Variants in TLE1 observed in about 807,000 individuals in gnomAD.
TLE1 encodes the protein transducin-like enhancer protein 1.
Under a neutral mutation model 89.8 loss-of-function variants are expected in TLE1, and 21 were observed. The observed-to-expected ratio is 0.23, with a 90% CI of 0.17 to 0.34. The LOEUF (loss-of-function observed/expected upper bound fraction) is 0.34. Ranked by LOEUF, TLE1 falls within the 10% of genes least tolerant of loss-of-function variation. The probability of loss-of-function intolerance (pLI) is 1.00; values close to 1 mark genes in which losing one functional copy is unlikely to be tolerated. For missense variants in TLE1, 795 were observed against 1,031.2 expected (o/e 0.77, Z 3.14); for synonymous variants, 447 against 407.6 (o/e 1.10, Z -1.16).
chr9:81,662,297 T>C (rs937563609), intron 4 of TLE1, among the ~76,000 whole-genome samples: 1 of 151,676 alleles, frequency 6.6e-6, no homozygotes, highest in Admixed American at 6.6e-5. Context: ...ATAATGATGC[T>C]AAAATGACCA....
At chr9:81,620,335 AT>A (rs1825073523) in intron 9 of TLE1, 105 bp downstream of exon 9, 1 of 895,072 alleles carries the variant, frequency 1.1e-6, no homozygotes, top group Non-Finnish European at 1.8e-6. Context: ...TCTTTACAGT[AT>A]TATGTTTAAG....
In TLE1 at chr9:81,616,435, C is replaced by T. The variant is rs189626727; in HGVS notation, c.765+211G>A. On this transcript the variant is annotated intron_variant, in intron 10 of 19. Coordinates refer to ENST00000376499, the MANE Select transcript of TLE1 (RefSeq NM_005077.5). ...CATCCAACTTAGGCATTCAAAATGT[C>T]TAGAGAAATATCTTTTTTTAAAGGA... Among the ~76,000 whole-genome samples the T allele has an allele frequency of 2.0e-5, 3 of 152,212 alleles. No individual in the cohort carries two copies. The East Asian group carries it at 5.8e-4, about 29-fold the overall frequency.
chr9:81,688,082 C>G (rs1342615975), intron 1 of TLE1, 135 bp downstream of exon 1: 1 of 1,162,268 alleles, frequency 8.6e-7, no homozygotes, highest in Non-Finnish European at 1.2e-6. Flanking sequence ...AGAGAGGGCC[C>G]CAGACCTCCC....
intron 14 of TLE1, among the ~76,000 whole-genome samples, chr9:81,607,014 A>T (rs146948157): frequency 9.9e-4 from 149 of 151,170 alleles, no homozygotes; most frequent in African/African-American, 3.5e-3. Flanking sequence ...ACTTGAGCCC[A>T]GGAGTTTGAA....
intron 4 of TLE1, among the ~76,000 whole-genome samples, chr9:81,678,767 G>A (rs544317984): frequency 6.6e-6 from 1 of 152,110 alleles, no homozygotes; most frequent in South Asian, 2.1e-4. Context: ...GCTACTCAGG[G>A]AGGTAGAGGT....
chr9:81,660,575 G>A (rs1043349512), intron 4 of TLE1, among the ~76,000 whole-genome samples: 3 of 150,070 alleles, frequency 2.0e-5, no homozygotes, highest in African/African-American at 4.9e-5. Flanking sequence ...TACCACACCC[G>A]GCTAATTTTT....
intron 6 of TLE1, among the ~76,000 whole-genome samples, chr9:81,636,936 G>A (rs909080986): frequency 4.0e-5 from 6 of 151,414 alleles, no homozygotes; most frequent in African/African-American, 1.5e-4. Flanking sequence ...CCGAGTGGCA[G>A]AGGTTGCAGT....
In TLE1 at chr9:81,613,354, CACA is replaced by C. The variant is rs781629528; in HGVS notation, c.1063+20_1063+22del. 4.4e-6 allele frequency: 7 copies of C among 1,607,394 alleles called. No individual in the cohort carries two copies. Among genetic ancestry groups the C allele is most frequent in the African/African-American group, 1.3e-5 (1 of 74,642 alleles). The stretch of plus-strand genomic sequence containing the variant: ...TGGGAATGGGAGAAACCAAACAAAG[CACA>C]ACAAGAGGCGATGCTGTACCCGCTT... On this transcript the variant is annotated intron_variant, in intron 12 of 19. Coordinates refer to ENST00000376499, the MANE Select transcript of TLE1 (RefSeq NM_005077.5).
At chr9:81,677,102 G>A (rs1262007473) in intron 4 of TLE1, among the ~76,000 whole-genome samples, 2 of 152,094 alleles carry the variant, frequency 1.3e-5, no homozygotes. Context: ...TGGGTCCGTG[G>A]TGGCACGTGC....
At chr9:81,613,906 CTT>C (rs761514885) in intron 11 of TLE1, among the ~76,000 whole-genome samples, 16 of 89,900 alleles carry the variant, frequency 1.8e-4, no homozygotes, top group African/African-American at 7.0e-4. Context: ...CTTTTCTTTT[CTT>C]TTTTTTTTTT....
intron 4 of TLE1, among the ~76,000 whole-genome samples, chr9:81,661,254 GAACTT>G (rs1830766478): frequency 6.7e-6 from 1 of 148,860 alleles, no homozygotes; most frequent in Non-Finnish European, 1.5e-5. Flanking sequence ...CTGAGTAGCT[GAACTT>G]AAGAGTTTAG....
intron 9 of TLE1, among the ~76,000 whole-genome samples, chr9:81,617,068 T>G (rs902841442): frequency 4.0e-5 from 6 of 151,346 alleles, no homozygotes; most frequent in African/African-American, 1.5e-4. Context: ...CTGCACACCC[T>G]TATATCAGAG....
intron 4 of TLE1, among the ~76,000 whole-genome samples, chr9:81,674,143 CCTTCT>C (rs1420119874): frequency 1.3e-5 from 2 of 152,184 alleles, no homozygotes; most frequent in African/African-American, 2.4e-5. Context: ...ACAGCCCTTC[CCTTCT>C]AATTCAAAAA....
chr9:81,592,988 A>G (rs1829756525), intron 15 of TLE1, 37 bp downstream of exon 15: 1 of 1,590,770 alleles, frequency 6.3e-7, no homozygotes, highest in Non-Finnish European at 8.6e-7. Flanking sequence ...ATCTCCAGGG[A>G]GAAATTGCCC....
At chr9:81,674,809 G>C (rs1480513929) in intron 4 of TLE1, among the ~76,000 whole-genome samples, 1 of 152,016 alleles carries the variant, frequency 6.6e-6, no homozygotes, top group Non-Finnish European at 1.5e-5. Flanking sequence ...AAGTACAAAG[G>C]GCAAGTCTAG....
chr9:81,634,138 A>G lies in TLE1; in HGVS notation c.536T>C (p.Ile179Thr). 6.2e-7 allele frequency: 1 copy of G among 1,608,494 alleles called. No individual in the cohort carries two copies. The change falls in exon 7 of 20, where the codon ATA (isoleucine) becomes ACA (threonine). Residue 179 changes from isoleucine to threonine, a missense_variant. Ile to Thr is a moderately conservative substitution (Grantham distance 89, BLOSUM62 -1). Transcript: ENST00000376499. ...SALSGQSHLA[I>T]KDDKKHHDAE... ...ATCGTGGTGCTTCTTGTCATCTTTT[A>G]TTGCCAAGTGAGACTGCCCACTCAG...
intron 4 of TLE1, among the ~76,000 whole-genome samples, chr9:81,674,644 A>G (rs1204858523): frequency 1.3e-5 from 2 of 152,248 alleles, no homozygotes; most frequent in Non-Finnish European, 2.9e-5. Context: ...AAGGTAAAGT[A>G]TAAGTCAAGT....
intron 14 of TLE1, among the ~76,000 whole-genome samples, chr9:81,594,457 T>G (rs1564118321): frequency 6.6e-6 from 1 of 152,044 alleles, no homozygotes; most frequent in East Asian, 1.9e-4. Context: ...CTGCATGTTC[T>G]CACTCATAAA....
At chr9:81,649,097 C>T (rs1219391608) in intron 6 of TLE1, among the ~76,000 whole-genome samples, 1 of 152,136 alleles carries the variant, frequency 6.6e-6, no homozygotes, top group Non-Finnish European at 1.5e-5. Flanking sequence ...ATCAAATTTG[C>T]TGTCAAAGCT....
Sources: allele counts gnomAD v4.1 joint callset (sites outside exome capture counted in the v4.1 genomes callset), GRCh38; gene constraint gnomAD v4.1.1; transcripts MANE v1.5; gene names NCBI Gene and HGNC (gene_info 2026-07-23, HGNC 2026-07-21).